The following ACSL3 variants were observed in gnomAD, a reference collection of about 807,000 sequenced individuals.
ACSL3 encodes acyl-CoA synthetase long chain family member 3, also known as fatty acid CoA ligase Acsl3.
In ACSL3, 34 loss-of-function variants were observed where a neutral mutation model predicts 84.7. The observed-to-expected ratio is 0.40, with a 90% CI of 0.31 to 0.53. ACSL3 has a LOEUF of 0.53. Ranked by LOEUF, ACSL3 falls within the 20% of genes least tolerant of loss-of-function variation. The pLI is 0.48. For missense variants in ACSL3, 680 were observed against 873.1 expected (o/e 0.78, Z 2.79); for synonymous variants, 315 against 299.4 (o/e 1.05, Z -0.54).
intron 2 of ACSL3, among the ~76,000 whole-genome samples, chr2:222,898,395 CATTAGTGTACAAA>C (rs1467627182): frequency 4.6e-5 from 7 of 152,138 alleles, no homozygotes; most frequent in Non-Finnish European, 8.8e-5. Context: ...AGTTCTCAAG[CATTAGTGTACAAA>C]AACCTGCATG....
intron 1 of ACSL3, among the ~76,000 whole-genome samples, chr2:222,876,497 A>AT (rs913198251): frequency 8.6e-5 from 13 of 150,778 alleles, no homozygotes; most frequent in African/African-American, 1.7e-4. Context: ...AATTAAAAAC[A>AT]TTTTTTTTTG....
intron 1 of ACSL3, among the ~76,000 whole-genome samples, chr2:222,875,436 A>G (rs1391563756): frequency 6.6e-6 from 1 of 152,156 alleles, no homozygotes; most frequent in East Asian, 1.9e-4. Context: ...GCCAGTTGAA[A>G]TCTTGATTTT....
At chr2:222,876,981 A>G (rs893335488) in intron 1 of ACSL3, among the ~76,000 whole-genome samples, 4 of 152,184 alleles carry the variant, frequency 2.6e-5, no homozygotes, top group African/African-American at 9.7e-5. Context: ...TTACTTCTGG[A>G]TAGAGCATAG....
chr2:222,886,222 T>TC (rs1354035729), intron 1 of ACSL3, among the ~76,000 whole-genome samples: 98 of 152,118 alleles, frequency 6.4e-4, no homozygotes, highest in African/African-American at 2.2e-3. Flanking sequence ...ATGTTCTCCC[T>TC]CCCCTTACCC....
intron 14 of ACSL3, among the ~76,000 whole-genome samples, chr2:222,932,150 A>G (rs1176433725): frequency 3.9e-5 from 6 of 152,158 alleles, no homozygotes; most frequent in South Asian, 2.1e-4. Flanking sequence ...TGTAGTACCA[A>G]TGTATTGAAG....
At chr2:222,924,117 A>G (rs189278106) in intron 10 of ACSL3, among the ~76,000 whole-genome samples, 5 of 152,366 alleles carry the variant, frequency 3.3e-5, no homozygotes, top group Admixed American at 3.3e-4. Flanking sequence ...TTTTGTGAGT[A>G]GGTTTTAGTT....
intron 15 of ACSL3, chr2:222,933,662 T>G: frequency 1.9e-5 from 3 of 157,460 alleles, no homozygotes; most frequent in Admixed American, 6.4e-5. Flanking sequence ...TACTTACTCC[T>G]GCTCTACACT....
chr2:222,868,198 T>G (rs1436307046), intron 1 of ACSL3, among the ~76,000 whole-genome samples: 1 of 152,208 alleles, frequency 6.6e-6, no homozygotes. Context: ...CTAAATGTAG[T>G]GCACTTTTTT....
chr2:222,889,780 C>T (rs1409114265), intron 2 of ACSL3, among the ~76,000 whole-genome samples: 6 of 152,160 alleles, frequency 3.9e-5, no homozygotes, highest in African/African-American at 1.2e-4. Context: ...TTTTCTGTGT[C>T]TTCTGTTTTT....
In ACSL3 at chr2:222,942,056, C is replaced by CT. The variant is rs1347260882; in HGVS notation, c.*408dup. 3.2e-5 allele frequency: 7 copies of CT among 220,234 alleles called. 1 individual carries two copies. In the East Asian group the frequency reaches 4.7e-4, roughly 15 times the overall value. The allele number at this position is 220,234 out of a possible 1,614,324, so 13.6% of individuals were successfully genotyped here. Reference sequence around the variant, plus strand: ...AATATAAGAATTGGTTATTTGGGGGCTTTTTTACTTACTGTATTTAAAAAT... The same window carrying CT: ...AATATAAGAATTGGTTATTTGGGGGCTTTTTTTACTTACTGTATTTAAAAAT... On this transcript the variant is annotated 3_prime_UTR_variant, in exon 17 of 17. Transcript: ENST00000357430.
chr2:222,890,762 C>G (rs1487210941), intron 2 of ACSL3, among the ~76,000 whole-genome samples: 4 of 152,146 alleles, frequency 2.6e-5, no homozygotes, highest in Non-Finnish European at 5.9e-5. Context: ...GTGCCTCAGC[C>G]TCCCAAGTAG....
At chr2:222,885,056 G>C (rs2106097457) in intron 1 of ACSL3, among the ~76,000 whole-genome samples, 1 of 152,190 alleles carries the variant, frequency 6.6e-6, no homozygotes, top group South Asian at 2.1e-4. Flanking sequence ...CAGTACTATG[G>C]TGTCATTCTT....
chr2:222,869,146 A>C (rs1024676488), intron 1 of ACSL3, among the ~76,000 whole-genome samples: 2 of 152,148 alleles, frequency 1.3e-5, no homozygotes, highest in Admixed American at 1.3e-4. Context: ...GGTGTTTCTA[A>C]GTATATTATC....
chr2:222,913,955 A>G (rs10195273), intron 4 of ACSL3, among the ~76,000 whole-genome samples: 48,122 of 151,986 alleles, frequency 0.32, 7,825 homozygotes, highest in Admixed American at 0.41. Flanking sequence ...AGTTACCCTC[A>G]TTATCATTAT....
At chr2:222,887,205 C>T (rs1031762684) in intron 1 of ACSL3, among the ~76,000 whole-genome samples, 1 of 152,170 alleles carries the variant, frequency 6.6e-6, no homozygotes, top group Admixed American at 6.6e-5. Context: ...TGTCTCCTTT[C>T]ACTTTGTAAT....
In ACSL3 at chr2:222,878,774, C is replaced by CA. The variant is rs948579976; in HGVS notation, c.-206-9055dup. The stretch of plus-strand genomic sequence containing the variant: ...TCTGTTCTTCTTGTATTCCTCGTTA[C>CA]ACGCCACCATTCTTTCATTCTGGAA... On this transcript the variant is annotated intron_variant, in intron 1 of 16. Coordinates refer to ENST00000357430, the MANE Select transcript of ACSL3 (RefSeq NM_004457.5). 3.6e-4 allele frequency among the ~76,000 whole-genome samples: 55 copies of CA among 152,296 alleles called. 1 individual carries two copies. Among genetic ancestry groups the CA allele is most frequent in the Non-Finnish European group, 1.6e-4 (11 of 68,028 alleles).
intron 12 of ACSL3, among the ~76,000 whole-genome samples, chr2:222,927,516 A>G (rs920389868): frequency 1.3e-5 from 2 of 152,158 alleles, no homozygotes; most frequent in African/African-American, 4.8e-5. Context: ...ATTTCTTTTT[A>G]TGTAGAAAAC....
At chr2:222,913,600 C>T (rs186674809) in intron 4 of ACSL3, among the ~76,000 whole-genome samples, 277 of 152,232 alleles carry the variant, frequency 1.8e-3, no homozygotes, top group Non-Finnish European at 2.9e-3. Flanking sequence ...TCCACACTTG[C>T]CCCCAACTGT....
intron 7 of ACSL3, chr2:222,921,035 T>A (rs1331851941): frequency 1.7e-6 from 1 of 603,150 alleles, no homozygotes; most frequent in Admixed American, 2.2e-5. Flanking sequence ...TATTGTCATC[T>A]TCTCACCTTG....
Sources: allele counts gnomAD v4.1 joint callset (sites outside exome capture counted in the v4.1 genomes callset), GRCh38; gene constraint gnomAD v4.1.1; transcripts MANE v1.5; gene names NCBI Gene and HGNC (gene_info 2026-07-23, HGNC 2026-07-21).